Variants in HDAC9 observed in about 807,000 individuals in gnomAD.
HDAC9 encodes the protein histone deacetylase 9, also known as MEF-2 interacting transcription repressor (MITR) protein.
HDAC9 carries 41 observed loss-of-function variants against 139.4 expected under a neutral mutation model. The ratio of observed to expected loss-of-function variants is 0.29; its 90% CI spans 0.23 to 0.38. The LOEUF (loss-of-function observed/expected upper bound fraction) is 0.38, where lower values mean the gene tolerates loss of function less well. Among genes scored for constraint, HDAC9 ranks in the 10% least tolerant of loss-of-function variants. The pLI, the probability that HDAC9 is intolerant of heterozygous loss-of-function variation, is 1.00. For synonymous variants in HDAC9, 517 were observed against 476.2 expected (o/e 1.09, Z -1.12); for missense variants, 1,147 against 1,297.0 (o/e 0.88, Z 1.78).
chr7:18,343,480 A>T (rs944245590), intron 1 of HDAC9, among the ~76,000 whole-genome samples: 2 of 151,862 alleles, frequency 1.3e-5, no homozygotes, highest in Admixed American at 6.6e-5. Flanking sequence ...TATCTACAGA[A>T]AATGTTGCCT....
intron 2 of HDAC9, among the ~76,000 whole-genome samples, chr7:18,169,523 C>T (rs755374642): frequency 6.6e-6 from 1 of 151,394 alleles, no homozygotes; most frequent in Non-Finnish European, 1.5e-5. Context: ...TGTTTGTTAA[C>T]ATAGGTATAC....
At chr7:18,108,712 C>G (rs751136791) in intron 1 of HDAC9, among the ~76,000 whole-genome samples, 1 of 151,130 alleles carries the variant, frequency 6.6e-6, no homozygotes, top group Non-Finnish European at 1.5e-5. Context: ...CCTCCTGCCT[C>G]CCAGATTCAA....
intron 1 of HDAC9, among the ~76,000 whole-genome samples, chr7:18,488,075 G>A (rs1358911702): frequency 6.6e-6 from 1 of 151,990 alleles, no homozygotes; most frequent in East Asian, 1.9e-4. Context: ...ACCAAGTAGT[G>A]AAGATCAGAA....
intron 2 of HDAC9, among the ~76,000 whole-genome samples, chr7:18,183,609 C>G (rs1789678077): frequency 6.6e-6 from 1 of 152,198 alleles, no homozygotes; most frequent in Admixed American, 6.5e-5. Flanking sequence ...TGGCAGAACA[C>G]TTCACTACTT....
At chr7:18,560,428 C>T (rs1820223269) in intron 2 of HDAC9, among the ~76,000 whole-genome samples, 1 of 152,092 alleles carries the variant, frequency 6.6e-6, no homozygotes, top group African/African-American at 2.4e-5. Context: ...TGCTTACTCC[C>T]CACCCTCAAC....
At chr7:18,637,530 A>C (rs990621511) in intron 8 of HDAC9, among the ~76,000 whole-genome samples, 1 of 152,112 alleles carries the variant, frequency 6.6e-6, no homozygotes, top group South Asian at 2.1e-4. Context: ...AAAACAAAAC[A>C]AAACAGAGGG....
intron 21 of HDAC9, among the ~76,000 whole-genome samples, chr7:18,854,081 A>G (rs1797498064): frequency 6.6e-6 from 1 of 152,180 alleles, no homozygotes; most frequent in South Asian, 2.1e-4. Flanking sequence ...CTTTTTAAAA[A>G]CAAGGTTAAG....
intron 2 of HDAC9, among the ~76,000 whole-genome samples, chr7:18,254,912 T>C (rs1795135318): frequency 6.6e-6 from 1 of 152,164 alleles, no homozygotes; most frequent in African/African-American, 2.4e-5. Flanking sequence ...TAACCAAAAC[T>C]GAAAAATGTA....
chr7:18,557,776 A>G (rs1309228600), intron 2 of HDAC9, among the ~76,000 whole-genome samples: 1 of 150,418 alleles, frequency 6.6e-6, no homozygotes, highest in Non-Finnish European at 1.5e-5. Flanking sequence ...CAAAAATGAA[A>G]TATTATTTAT....
intron 1 of HDAC9, among the ~76,000 whole-genome samples, chr7:18,453,987 G>A (rs909495239): frequency 2.6e-5 from 4 of 151,912 alleles, no homozygotes; most frequent in Admixed American, 6.6e-5. Context: ...AGATATTCTC[G>A]GAATTAGATT....
intron 2 of HDAC9, among the ~76,000 whole-genome samples, chr7:18,164,418 C>G (rs1454033406): frequency 6.6e-6 from 1 of 152,018 alleles, no homozygotes; most frequent in Admixed American, 6.6e-5. Context: ...TCTTTTTTCC[C>G]CACTATCTAA....
intron 2 of HDAC9, among the ~76,000 whole-genome samples, chr7:18,232,509 T>C (rs1245061348): frequency 6.6e-6 from 1 of 152,180 alleles, no homozygotes; most frequent in Non-Finnish European, 1.5e-5. Context: ...CCCTGGTGTT[T>C]CACAGAGCGC....
chr7:18,442,403 A>G (rs1791870492), intron 1 of HDAC9, among the ~76,000 whole-genome samples: 1 of 152,136 alleles, frequency 6.6e-6, no homozygotes, highest in Admixed American at 6.5e-5. Flanking sequence ...CCAAATATTT[A>G]TTTCCCCACC....
At chr7:18,808,808 A>G (rs1275049063) in intron 17 of HDAC9, among the ~76,000 whole-genome samples, 1 of 152,126 alleles carries the variant, frequency 6.6e-6, no homozygotes, top group Non-Finnish European at 1.5e-5. Context: ...ATATGGAACC[A>G]AAAAAGACCC....
At chr7:18,556,731 G>C (rs1161559252) in intron 2 of HDAC9, among the ~76,000 whole-genome samples, 3 of 151,922 alleles carry the variant, frequency 2.0e-5, no homozygotes, top group African/African-American at 7.2e-5. Context: ...CTGTTTCTCA[G>C]TGTTTCCCCA....
chr7:18,760,390 T>C (rs1320871450), intron 14 of HDAC9, among the ~76,000 whole-genome samples: 3 of 152,170 alleles, frequency 2.0e-5, no homozygotes, highest in African/African-American at 7.2e-5. Flanking sequence ...TGGTCTCCCA[T>C]AAACTTTCCG....
At chr7:18,364,714 C>A (rs1784044169) in intron 1 of HDAC9, among the ~76,000 whole-genome samples, 2 of 152,064 alleles carry the variant, frequency 1.3e-5, no homozygotes, top group South Asian at 4.1e-4. Context: ...ACCTAACATG[C>A]AGCAGAGTTG....
At chr7:18,915,779 T>TAAC (rs370992123) in intron 22 of HDAC9, among the ~76,000 whole-genome samples, 98 of 151,824 alleles carry the variant, frequency 6.5e-4, no homozygotes, top group Admixed American at 2.1e-3. Flanking sequence ...ATTTTTTCCC[T>TAAC]AACAACAACA....
chr7:18,900,828 T>C (rs1801635843), intron 22 of HDAC9, among the ~76,000 whole-genome samples: 1 of 152,068 alleles, frequency 6.6e-6, no homozygotes, highest in Non-Finnish European at 1.5e-5. Flanking sequence ...AAACAACATG[T>C]GAACAGTCTA....
Sources: gnomAD v4.1 joint callset for allele counts (sites outside exome capture counted in the v4.1 genomes callset) on GRCh38, gnomAD v4.1.1 for gene constraint, MANE v1.5 for transcripts, NCBI Gene and HGNC (gene_info 2026-07-23, HGNC 2026-07-21) for gene names.